MARCHF1: variants seen among roughly 807,000 people sequenced by gnomAD.
MARCHF1 encodes E3 ubiquitin-protein ligase MARCHF1.
In MARCHF1, 40 loss-of-function variants were observed where a neutral mutation model predicts 54.2. The observed-to-expected ratio is 0.74, with a 90% CI of 0.57 to 0.96. MARCHF1 has a LOEUF of 0.96. Ranked by LOEUF, MARCHF1 falls within the 40% of genes least tolerant of loss-of-function variation. The pLI is 0.00. For missense variants in MARCHF1, 586 were observed against 656.5 expected (o/e 0.89, Z 1.17); for synonymous variants, 236 against 236.3 (o/e 1.00, Z 0.01).
At chr4:163,900,676 C>T (rs1275225096) in intron 3 of MARCHF1, among the ~76,000 whole-genome samples, 4 of 151,944 alleles carry the variant, frequency 2.6e-5, no homozygotes, top group Admixed American at 6.6e-5. Flanking sequence ...AAATTGTTTC[C>T]GCTGGCATGG....
chr4:163,652,444 C>A (rs1743000907), intron 5 of MARCHF1, among the ~76,000 whole-genome samples: 1 of 151,808 alleles, frequency 6.6e-6, no homozygotes, highest in South Asian at 2.1e-4. Flanking sequence ...TAAGACCTCT[C>A]CTGGAAGAGT....
At chr4:163,814,166 T>A (rs1748470560) in intron 4 of MARCHF1, among the ~76,000 whole-genome samples, 1 of 152,194 alleles carries the variant, frequency 6.6e-6, no homozygotes, top group African/African-American at 2.4e-5. Flanking sequence ...CCATCACAGC[T>A]GTAGATCATG....
intron 4 of MARCHF1, among the ~76,000 whole-genome samples, chr4:163,811,987 A>T (rs1011372739): frequency 6.6e-6 from 1 of 152,178 alleles, no homozygotes; most frequent in African/African-American, 2.4e-5. Flanking sequence ...GGTGGACATC[A>T]TCTAATCTGT....
intron 3 of MARCHF1, among the ~76,000 whole-genome samples, chr4:163,864,731 A>C (rs1443804615): frequency 6.6e-6 from 1 of 151,964 alleles, no homozygotes; most frequent in African/African-American, 2.4e-5. Flanking sequence ...AGGTCGGTGA[A>C]AACTACATCT....
At chr4:163,848,387 A>G (rs1579337068) in intron 4 of MARCHF1, among the ~76,000 whole-genome samples, 2 of 152,138 alleles carry the variant, frequency 1.3e-5, no homozygotes, top group Admixed American at 6.5e-5. Flanking sequence ...TTGGAGCCTC[A>G]AAAAATCATA....
rs545790062 is a variant in MARCHF1 at position 163,976,831 on chromosome 4, T to C, written c.-39+11670A>G. Among the ~76,000 whole-genome samples, 76 of 152,188 alleles carry C rather than the reference T, an allele frequency of 5.0e-4. 1 individual carries two copies. The highest frequency in any genetic ancestry group is 1.8e-3 in the African/African-American group (73 of 41,560). ...GTGTCTGACATCTGAGTCAATGAGGTTTCAGATTTCTATGCAGTGCATTTC... is the reference window on the plus strand; with the variant it reads ...GTGTCTGACATCTGAGTCAATGAGGCTTCAGATTTCTATGCAGTGCATTTC... On this transcript the variant is annotated intron_variant, in intron 3 of 9. Transcript: ENST00000514618.
intron 1 of MARCHF1, among the ~76,000 whole-genome samples, chr4:164,297,604 T>A (rs557515345): frequency 6.6e-6 from 1 of 152,144 alleles, no homozygotes; most frequent in Non-Finnish European, 1.5e-5. Flanking sequence ...TGGCATAATA[T>A]TCTAGGTGGG....
At chr4:163,674,039 A>G (rs1743822284) in intron 5 of MARCHF1, among the ~76,000 whole-genome samples, 1 of 152,230 alleles carries the variant, frequency 6.6e-6, no homozygotes, top group South Asian at 2.1e-4. Context: ...GATAGGTGGT[A>G]GAAGGAGGCC....
At chr4:164,211,847 A>G (rs1212036594) in intron 1 of MARCHF1, among the ~76,000 whole-genome samples, 1 of 152,112 alleles carries the variant, frequency 6.6e-6, no homozygotes, top group African/African-American at 2.4e-5. Context: ...ACAGTGATAG[A>G]GCAGTAGCCA....
At chr4:164,226,467 C>T (rs1256473846) in intron 1 of MARCHF1, among the ~76,000 whole-genome samples, 1 of 151,840 alleles carries the variant, frequency 6.6e-6, no homozygotes, top group Non-Finnish European at 1.5e-5. Flanking sequence ...GAAAGACTGA[C>T]ACAAGGAAGC....
intron 5 of MARCHF1, among the ~76,000 whole-genome samples, chr4:163,663,386 T>C (rs1396723380): frequency 6.6e-6 from 1 of 152,044 alleles, no homozygotes; most frequent in Non-Finnish European, 1.5e-5. Context: ...CCAATTTCTC[T>C]GGCTTATGTT....
chr4:164,140,883 T>C (rs756526191), intron 1 of MARCHF1, among the ~76,000 whole-genome samples: 1 of 152,134 alleles, frequency 6.6e-6, no homozygotes, highest in Non-Finnish European at 1.5e-5. Flanking sequence ...CTTACTCAAC[T>C]AACCTGAACA....
intron 3 of MARCHF1, among the ~76,000 whole-genome samples, chr4:163,877,601 C>T (rs1750321377): frequency 6.6e-6 from 1 of 151,926 alleles, no homozygotes; most frequent in Non-Finnish European, 1.5e-5. Context: ...AGATTAATAT[C>T]TCCAAATCCC....
chr4:164,250,735 G>A (rs1260011565), intron 1 of MARCHF1, among the ~76,000 whole-genome samples: 2 of 152,014 alleles, frequency 1.3e-5, no homozygotes, highest in Admixed American at 6.6e-5. Flanking sequence ...TAAATTACTA[G>A]AAGCTATAAA....
chr4:163,564,746 T>C (rs1739588185), intron 8 of MARCHF1, among the ~76,000 whole-genome samples: 1 of 152,200 alleles, frequency 6.6e-6, no homozygotes, highest in Non-Finnish European at 1.5e-5. Flanking sequence ...TCAATAAGGA[T>C]CTTAAGGAAG....
intron 2 of MARCHF1, among the ~76,000 whole-genome samples, chr4:164,076,980 T>C (rs1485698656): frequency 2.0e-5 from 3 of 152,066 alleles, no homozygotes; most frequent in Non-Finnish European, 4.4e-5. Flanking sequence ...GATTCAATAA[T>C]ATCCCCATCA....
At chr4:163,996,754 G>C (rs1464377252) in intron 2 of MARCHF1, among the ~76,000 whole-genome samples, 1 of 152,004 alleles carries the variant, frequency 6.6e-6, no homozygotes, top group Admixed American at 6.6e-5. Context: ...AGTTATTAGA[G>C]TATTTGTTAA....
At chr4:163,978,123 C>T (rs1752685041) in intron 3 of MARCHF1, among the ~76,000 whole-genome samples, 1 of 152,070 alleles carries the variant, frequency 6.6e-6, no homozygotes, top group Non-Finnish European at 1.5e-5. Context: ...CAAAGAAAAG[C>T]CATAAGGTTA....
intron 3 of MARCHF1, among the ~76,000 whole-genome samples, chr4:163,904,486 T>C (rs1181566443): frequency 1.3e-5 from 2 of 152,036 alleles, no homozygotes; most frequent in Non-Finnish European, 2.9e-5. Flanking sequence ...CAACAAACAG[T>C]GGGTACCTCA....
Sources: gnomAD v4.1 joint callset for allele counts (sites outside exome capture counted in the v4.1 genomes callset) on GRCh38, gnomAD v4.1.1 for gene constraint, MANE v1.5 for transcripts, NCBI Gene and HGNC (gene_info 2026-07-23, HGNC 2026-07-21) for gene names.